Variants in TASP1 observed in about 807,000 individuals in gnomAD.
TASP1 encodes the protein taspase 1.
A neutral mutation model predicts 56.6 loss-of-function variants in TASP1; 16 were observed. That is an observed-to-expected ratio of 0.28 (90% CI 0.19 to 0.43). The LOEUF is 0.43. TASP1 is among the 20% of genes least tolerant of loss of function. TASP1 has a pLI of 1.00. For missense variants in TASP1, 393 were observed against 511.6 expected (o/e 0.77, Z 2.24); for synonymous variants, 179 against 184.2 (o/e 0.97, Z 0.23).
downstream of TASP1, among the ~76,000 whole-genome samples, chr20:13,387,621 C>T (rs548470888): frequency 6.6e-5 from 10 of 152,356 alleles, no homozygotes; most frequent in Admixed American, 1.3e-4. Context: ...CTGCAGTAAA[C>T]ATATGCATGC....
chr20:13,307,499 A>C, the TASP1 span, among the ~76,000 whole-genome samples: 3 of 152,184 alleles, frequency 2.0e-5, no homozygotes, highest in African/African-American at 7.2e-5. Context: ...TGAAGTGTAC[A>C]CTTTTTAAAA....
chr20:13,606,806 C>T (rs1199560572), intron 4 of TASP1, among the ~76,000 whole-genome samples: 2 of 75,228 alleles, frequency 2.7e-5, no homozygotes, highest in East Asian at 6.7e-4. Flanking sequence ...GACTCCGTCT[C>T]AAAAAAAAAA....
At chr20:13,543,761 A>G (rs1279880441) in intron 8 of TASP1, among the ~76,000 whole-genome samples, 1 of 152,158 alleles carries the variant, frequency 6.6e-6, no homozygotes, top group African/African-American at 2.4e-5. Flanking sequence ...TATAAGCAAC[A>G]AAGTATCATA....
chr20:13,503,733 T>C (rs1034588048), intron 10 of TASP1, among the ~76,000 whole-genome samples: 1 of 151,468 alleles, frequency 6.6e-6, no homozygotes. Context: ...AAAACATACA[T>C]GAACAAAATA....
chr20:13,369,974 C>A, the TASP1 span, among the ~76,000 whole-genome samples: 1 of 152,120 alleles, frequency 6.6e-6, no homozygotes, highest in Non-Finnish European at 1.5e-5. Flanking sequence ...GACTAACTAG[C>A]GACCCTGGGA....
At chr20:13,140,035 T>A in the TASP1 span, among the ~76,000 whole-genome samples, 1 of 152,170 alleles carries the variant, frequency 6.6e-6, no homozygotes, top group African/African-American at 2.4e-5. Flanking sequence ...CAAAGCTGTG[T>A]ACTTTCTGGA....
intron 4 of TASP1, among the ~76,000 whole-genome samples, chr20:13,596,831 T>TA (rs1321481943): frequency 6.6e-6 from 1 of 151,864 alleles, no homozygotes; most frequent in African/African-American, 2.4e-5. Flanking sequence ...ATAGATGCAA[T>TA]AAAAAATGAT....
chr20:13,524,060 G>A (rs189656740), intron 10 of TASP1, among the ~76,000 whole-genome samples: 4 of 152,044 alleles, frequency 2.6e-5, no homozygotes, highest in East Asian at 1.9e-4. Flanking sequence ...GAGGCAGGAG[G>A]ATCACTTGAG....
chr20:13,628,720 A>C (rs2147575584), intron 2 of TASP1, among the ~76,000 whole-genome samples: 1 of 152,262 alleles, frequency 6.6e-6, no homozygotes, highest in South Asian at 2.1e-4. Flanking sequence ...TTAAAAGGAA[A>C]CCCAGACATT....
chr20:13,312,923 C>A, the TASP1 span, among the ~76,000 whole-genome samples: 21 of 152,192 alleles, frequency 1.4e-4, no homozygotes, highest in African/African-American at 4.8e-4. Context: ...TCTTTGATTT[C>A]TTTTGTTCCC....
chr20:13,226,912 A>C, the TASP1 span, among the ~76,000 whole-genome samples: 197 of 152,320 alleles, frequency 1.3e-3, no homozygotes, highest in Non-Finnish European at 2.1e-3. Context: ...GTCACATTAA[A>C]GAAGAGCATG....
At chr20:13,325,768 A>G in the TASP1 span, among the ~76,000 whole-genome samples, 1 of 152,220 alleles carries the variant, frequency 6.6e-6, no homozygotes, top group East Asian at 1.9e-4. Flanking sequence ...ACATGCCAGT[A>G]ATTACTCCGA....
At chr20:13,115,456 A>G in the TASP1 span, among the ~76,000 whole-genome samples, 1 of 152,188 alleles carries the variant, frequency 6.6e-6, no homozygotes, top group Non-Finnish European at 1.5e-5. Flanking sequence ...CGCAGTGTCT[A>G]CAAACACTGT....
the TASP1 span, chr20:13,270,833 A>C: frequency 8.7e-6 from 11 of 1,259,608 alleles, no homozygotes; most frequent in African/African-American, 1.5e-5. Flanking sequence ...GCCTTACCTC[A>C]CTTTTCTTCT....
the TASP1 span, among the ~76,000 whole-genome samples, chr20:13,305,211 A>C: frequency 6.6e-6 from 1 of 152,040 alleles, no homozygotes; most frequent in Non-Finnish European, 1.5e-5. Context: ...AAAAAAAAAA[A>C]AAAAAAAACC....
intron 8 of TASP1, among the ~76,000 whole-genome samples, chr20:13,551,832 A>C (rs2045990431): frequency 6.6e-6 from 1 of 152,242 alleles, no homozygotes; most frequent in South Asian, 2.1e-4. Context: ...AAAACAAAGC[A>C]AACAATAAAT....
the TASP1 span, among the ~76,000 whole-genome samples, chr20:13,382,144 G>A: frequency 5.3e-5 from 8 of 152,212 alleles, no homozygotes; most frequent in African/African-American, 1.9e-4. Flanking sequence ...CTATCAGTAT[G>A]AGCTGGAAGT....
In TASP1 at chr20:13,483,205, A is replaced by C. The variant is rs1301222378; in HGVS notation, c.985+22T>G. On this transcript the variant is annotated intron_variant, in intron 11 of 13. Coordinates refer to ENST00000337743, the MANE Select transcript of TASP1 (RefSeq NM_017714.3). ...AAATAATCCATATTTAGAAGATGTA[A>C]TCTTCTTAATGTTATACTTACTGAT... is the stretch of plus-strand genomic sequence containing the variant. 2.7e-6 allele frequency: 4 copies of C among 1,499,874 alleles called. No individual in the cohort carries two copies. The African/African-American group carries it at 5.6e-5, about 21-fold the overall frequency. The allele number at this position is 1,499,874 out of a possible 1,614,324, so 92.9% of individuals were successfully genotyped here.
At chr20:13,537,099 A>G (rs952651387) in intron 8 of TASP1, among the ~76,000 whole-genome samples, 1 of 152,160 alleles carries the variant, frequency 6.6e-6, no homozygotes, top group Non-Finnish European at 1.5e-5. Context: ...ACACAATGCT[A>G]TGCATTATCT....
Sources: allele counts gnomAD v4.1 joint callset (sites outside exome capture counted in the v4.1 genomes callset), GRCh38; gene constraint gnomAD v4.1.1; transcripts MANE v1.5; gene names NCBI Gene and HGNC (gene_info 2026-07-23, HGNC 2026-07-21).